The following UCK2 variants were observed in gnomAD, a reference collection of about 807,000 sequenced individuals.
UCK2 encodes the protein cytidine monophosphokinase 2.
Under a neutral mutation model 30.8 loss-of-function variants are expected in UCK2, and 6 were observed. That is an observed-to-expected ratio of 0.19 (90% CI 0.11 to 0.38). The LOEUF is 0.38. Ranked by LOEUF, UCK2 falls within the 10% of genes least tolerant of loss-of-function variation. The pLI, the probability that UCK2 is intolerant of heterozygous loss-of-function variation, is 1.00. For synonymous variants in UCK2, 125 were observed against 133.6 expected, an observed-to-expected ratio of 0.94 and a Z score of 0.45; for missense variants, 210 against 339.8, an observed-to-expected ratio of 0.62 and a Z score of 3.00.
chr1:165,901,225 A>G (rs1188508014), intron 4 of UCK2, among the ~76,000 whole-genome samples: 1 of 152,346 alleles, frequency 6.6e-6, no homozygotes, highest in South Asian at 2.1e-4. Context: ...GTCCTGACAC[A>G]TTAGCGATCA....
chr1:165,846,324 A>G, intron 1 of UCK2, among the ~76,000 whole-genome samples: 1 of 152,138 alleles, frequency 6.6e-6, no homozygotes, highest in East Asian at 1.9e-4. Context: ...ACATTTTAAA[A>G]TTTATTTAAT....
At chr1:165,834,823 G>A (rs1387716851) in intron 1 of UCK2, among the ~76,000 whole-genome samples, 1 of 152,074 alleles carries the variant, frequency 6.6e-6, no homozygotes, top group African/African-American at 2.4e-5. Context: ...TTAACCTTCA[G>A]TACCCTATGG....
intron 1 of UCK2, among the ~76,000 whole-genome samples, chr1:165,884,367 C>T (rs537992622): frequency 3.9e-5 from 6 of 152,320 alleles, no homozygotes; most frequent in South Asian, 2.1e-4. Context: ...GCAGCTCATT[C>T]GGAGTGTTAC....
chr1:165,854,535 C>T (rs1037791239), intron 1 of UCK2, among the ~76,000 whole-genome samples: 3 of 151,918 alleles, frequency 2.0e-5, no homozygotes, highest in African/African-American at 7.3e-5. Flanking sequence ...GTCCCACTTC[C>T]GCAGCCCCCA....
chr1:165,864,874 A>G (rs1252705359), intron 1 of UCK2, among the ~76,000 whole-genome samples: 1 of 151,944 alleles, frequency 6.6e-6, no homozygotes, highest in Non-Finnish European at 1.5e-5. Context: ...TTTTGTAGAG[A>G]TGAGGTTCTC....
At chr1:165,882,417 G>A (rs1655521298) in intron 1 of UCK2, among the ~76,000 whole-genome samples, 1 of 152,192 alleles carries the variant, frequency 6.6e-6, no homozygotes, top group African/African-American at 2.4e-5. Context: ...GAAAGTGACA[G>A]AAAACCTCTA....
chr1:165,875,912 G>A (rs151010355), intron 1 of UCK2, among the ~76,000 whole-genome samples: 25 of 152,242 alleles, frequency 1.6e-4, no homozygotes, highest in African/African-American at 5.1e-4. Flanking sequence ...CCTCTCAGGG[G>A]AGGGTTTGAG....
intron 6 of UCK2, among the ~76,000 whole-genome samples, chr1:165,907,198 T>C (rs1225126037): frequency 6.6e-6 from 1 of 152,226 alleles, no homozygotes; most frequent in African/African-American, 2.4e-5. Flanking sequence ...TTGGTTGAGG[T>C]ATATAATTTA....
chr1:165,863,567 GT>G (rs778851899), intron 1 of UCK2, among the ~76,000 whole-genome samples: 5 of 152,246 alleles, frequency 3.3e-5, no homozygotes, highest in African/African-American at 4.8e-5. Flanking sequence ...ATGGCAGTGT[GT>G]TTGTAAGTTG....
At chr1:165,844,483 C>G (rs6684773) in intron 1 of UCK2, among the ~76,000 whole-genome samples, 58,591 of 152,018 alleles carry the variant, frequency 0.39, 11,355 homozygotes, top group Middle Eastern at 0.52. Flanking sequence ...ACCCTCAAAC[C>G]TTTGTAATTT....
In UCK2 at chr1:165,892,608, G is replaced by A. The variant is rs555880993; in HGVS notation, c.356+1286G>A. 7.2e-5 allele frequency: 11 copies of A among 152,380 alleles called. No homozygotes were observed. The East Asian group carries it at 2.1e-3, about 29-fold the overall frequency. The allele number at this position is 152,380 out of a possible 1,614,324, so 9.4% of individuals were successfully genotyped here. On this transcript the variant is annotated intron_variant, in intron 3 of 6. Transcript: ENST00000367879. ...GGAAGCATGTGGGGCAAGGGATTCT[G>A]AGAATTGTAGTTCTCCCTTAGGGGG... is the stretch of plus-strand genomic sequence containing the variant.
rs922309005 is a variant in UCK2 at position 165,828,580 on chromosome 1, T to G, written c.99+648T>G. On this transcript the variant is annotated intron_variant, in intron 1 of 6. Transcript: ENST00000367879. ...TAGTAGGGGCTTCTGTTTTTTAAGG[T>G]TATAAGAGGAAACGTGGTCGGCTTC... 3.9e-5 allele frequency among the ~76,000 whole-genome samples: 6 copies of G among 152,210 alleles called. No homozygotes were observed. The East Asian group carries it at 5.8e-4, about 15-fold the overall frequency.
intron 1 of UCK2, 45 bp from the exon 2 acceptor site, chr1:165,890,159 C>G (rs370513561): frequency 1.3e-5 from 21 of 1,609,444 alleles, no homozygotes; most frequent in Non-Finnish European, 1.7e-5. Context: ...CTGTACCACA[C>G]GTGCCCTTTC....
At chr1:165,849,350 T>C (rs2101856939) in intron 1 of UCK2, among the ~76,000 whole-genome samples, 1 of 152,246 alleles carries the variant, frequency 6.6e-6, no homozygotes, top group South Asian at 2.1e-4. Context: ...CAAAACATTG[T>C]CTCTATGTAG....
chr1:165,853,035 T>C (rs1470555715), intron 1 of UCK2, among the ~76,000 whole-genome samples: 4 of 151,262 alleles, frequency 2.6e-5, no homozygotes, highest in Admixed American at 2.6e-4. Context: ...GTCATGTGAA[T>C]ATCAAGGCCT....
In UCK2 at chr1:165,882,956, C is replaced by G. The variant is rs1447579970; in HGVS notation, c.100-7248C>G. On this transcript the variant is annotated intron_variant, in intron 1 of 6. Transcript: ENST00000367879. Reference sequence around the variant, plus strand: ...CCTCCTGCCTCGGCCTCCCAAGTAGCTGGGACTACAGGCGCGTGCCACCAC... The same window carrying G: ...CCTCCTGCCTCGGCCTCCCAAGTAGGTGGGACTACAGGCGCGTGCCACCAC... 5.9e-5 allele frequency among the ~76,000 whole-genome samples: 9 copies of G among 152,278 alleles called. No homozygotes were observed. In the East Asian group the frequency reaches 1.5e-3, roughly 26 times the overall value.
chr1:165,830,172 A>ATT (rs111597283), intron 1 of UCK2, among the ~76,000 whole-genome samples: 71 of 143,848 alleles, frequency 4.9e-4, no homozygotes, highest in African/African-American at 1.8e-3. Context: ...TGCCCGACTA[A>ATT]TTTTTTTTTT....
At chr1:165,892,356 T>C (rs3806333) in intron 3 of UCK2, among the ~76,000 whole-genome samples, 91,533 of 151,412 alleles carry the variant, frequency 0.6, 27,860 homozygotes, top group Admixed American at 0.69. Context: ...AAGTTTATAG[T>C]CAGAGAATCA....
At chr1:165,885,168 C>T (rs191718729) in intron 1 of UCK2, 52 of 379,540 alleles carry the variant, frequency 1.4e-4, no homozygotes, top group East Asian at 5.2e-4. Context: ...TGGAGAACAT[C>T]GGGGTGAATG....
Sources: allele counts gnomAD v4.1 joint callset (sites outside exome capture counted in the v4.1 genomes callset), GRCh38; gene constraint gnomAD v4.1.1; transcripts MANE v1.5; gene names NCBI Gene and HGNC (gene_info 2026-07-23, HGNC 2026-07-21).